NELL1: variants seen among roughly 807,000 people sequenced by gnomAD.
The protein encoded by NELL1 is protein kinase C-binding protein NELL1.
In NELL1, 76 loss-of-function variants were observed where a neutral mutation model predicts 107.4. That is an observed-to-expected ratio of 0.71 (90% CI 0.59 to 0.86). NELL1 has a LOEUF of 0.86. NELL1 is among the 40% of genes least tolerant of loss of function. The probability of loss-of-function intolerance (pLI) is 0.00; values close to 1 mark genes in which losing one functional copy is unlikely to be tolerated. For missense variants in NELL1, 1,024 were observed against 1,005.5 expected (o/e 1.02, Z -0.25); for synonymous variants, 353 against 341.2 (o/e 1.03, Z -0.38).
chr11:21,245,666 C>T (rs549007641), intron 14 of NELL1, among the ~76,000 whole-genome samples: 163 of 152,262 alleles, frequency 1.1e-3, no homozygotes, highest in Non-Finnish European at 2.1e-3. Context: ...GTATCCTTGT[C>T]ATCTTTGTGT....
chr11:20,704,552 G>A (rs1035813560), intron 2 of NELL1, among the ~76,000 whole-genome samples: 2 of 152,110 alleles, frequency 1.3e-5, no homozygotes, highest in Non-Finnish European at 2.9e-5. Flanking sequence ...TCATTATGAT[G>A]TTAGCTGGTT....
At chr11:20,722,786 A>T (rs1855422154) in intron 2 of NELL1, among the ~76,000 whole-genome samples, 1 of 152,182 alleles carries the variant, frequency 6.6e-6, no homozygotes, top group Non-Finnish European at 1.5e-5. Context: ...TGGCAAGTTG[A>T]TTACTCAGTC....
At chr11:21,435,967 C>T (rs547912693) in intron 15 of NELL1, among the ~76,000 whole-genome samples, 2 of 152,044 alleles carry the variant, frequency 1.3e-5, no homozygotes, top group South Asian at 4.2e-4. Context: ...GCAATCAGTG[C>T]CAGGCATTTC....
chr11:21,063,876 G>T (rs1347780977), intron 12 of NELL1, among the ~76,000 whole-genome samples: 1 of 152,200 alleles, frequency 6.6e-6, no homozygotes, highest in Admixed American at 6.5e-5. Flanking sequence ...TGAAGTTGGT[G>T]CTATGGGAGA....
chr11:21,317,482 T>A (rs1402105940), intron 14 of NELL1, among the ~76,000 whole-genome samples: 1 of 152,160 alleles, frequency 6.6e-6, no homozygotes, highest in African/African-American at 2.4e-5. Flanking sequence ...TGGTGAGAGT[T>A]TCTGCCTTAC....
chr11:21,325,080 T>C (rs1329493417), intron 14 of NELL1, among the ~76,000 whole-genome samples: 24 of 152,084 alleles, frequency 1.6e-4, no homozygotes, highest in Admixed American at 1.6e-3. Flanking sequence ...TTTCCTTTTC[T>C]TCTTGGAATA....
intron 2 of NELL1, among the ~76,000 whole-genome samples, chr11:20,704,255 G>A (rs991138058): frequency 4.6e-5 from 7 of 152,182 alleles, no homozygotes; most frequent in South Asian, 4.1e-4. Context: ...TTACCATTAT[G>A]TAATGGCCTT....
At chr11:21,504,833 C>T (rs977812387) in intron 15 of NELL1, among the ~76,000 whole-genome samples, 2 of 152,082 alleles carry the variant, frequency 1.3e-5, no homozygotes, top group Non-Finnish European at 2.9e-5. Flanking sequence ...TCCTTGCTGC[C>T]ACTCTAACCC....
At chr11:20,922,539 C>G (rs1009375739) in intron 7 of NELL1, among the ~76,000 whole-genome samples, 1 of 151,726 alleles carries the variant, frequency 6.6e-6, no homozygotes, top group Non-Finnish European at 1.5e-5. Context: ...TTCGCAGATG[C>G]AAAAAGAATT....
intron 3 of NELL1, among the ~76,000 whole-genome samples, chr11:20,809,503 G>T (rs928846462): frequency 7.3e-6 from 1 of 137,176 alleles, no homozygotes; most frequent in African/African-American, 2.7e-5. Flanking sequence ...TGTAAAAGTT[G>T]ACCAATCTCT....
At chr11:21,540,204 C>A (rs1043850817) in intron 16 of NELL1, among the ~76,000 whole-genome samples, 33 of 151,916 alleles carry the variant, frequency 2.2e-4, no homozygotes, top group African/African-American at 7.7e-4. Flanking sequence ...GTCCTGTTTT[C>A]CAGCTATTTT....
intron 12 of NELL1, among the ~76,000 whole-genome samples, chr11:21,104,267 C>T (rs903460911): frequency 6.6e-6 from 1 of 152,090 alleles, no homozygotes; most frequent in South Asian, 2.1e-4. Flanking sequence ...TGTTTCTTTC[C>T]GTGTGGACAT....
chr11:21,091,478 T>C (rs1315188366), intron 12 of NELL1, among the ~76,000 whole-genome samples: 1 of 152,220 alleles, frequency 6.6e-6, no homozygotes, highest in Non-Finnish European at 1.5e-5. Flanking sequence ...TATTTTTAAA[T>C]TTTTAATGCA....
intron 12 of NELL1, among the ~76,000 whole-genome samples, chr11:21,087,339 T>C (rs1279278256): frequency 6.6e-6 from 1 of 152,042 alleles, no homozygotes; most frequent in Non-Finnish European, 1.5e-5. Context: ...TTTGTTTGAG[T>C]CGCCTTAGGT....
chr11:20,922,375 A>G (rs532019379), intron 7 of NELL1, among the ~76,000 whole-genome samples: 11 of 151,628 alleles, frequency 7.3e-5, no homozygotes, highest in African/African-American at 1.7e-4. Context: ...TTTTATTTAT[A>G]TATTGAATAC....
At chr11:21,480,680 G>C (rs1411374191) in intron 15 of NELL1, among the ~76,000 whole-genome samples, 1 of 152,180 alleles carries the variant, frequency 6.6e-6, no homozygotes, top group Admixed American at 6.6e-5. Flanking sequence ...ATGGGAAAGC[G>C]ACTGCTCTTC....
intron 13 of NELL1, among the ~76,000 whole-genome samples, chr11:21,115,024 C>T (rs1162616724): frequency 6.6e-6 from 1 of 151,954 alleles, no homozygotes; most frequent in East Asian, 1.9e-4. Flanking sequence ...TAAAGCCCTG[C>T]TGTGTGGAAG....
chr11:21,187,075 G>A (rs975713335), intron 13 of NELL1, among the ~76,000 whole-genome samples: 1 of 151,804 alleles, frequency 6.6e-6, no homozygotes, highest in East Asian at 1.9e-4. Context: ...AGGCTTTGGC[G>A]GAATATTTAG....
rs1038441064 is a variant in NELL1, at chr11:21,182,042, A to C, written c.1427-47290A>C. Among the ~76,000 whole-genome samples the C allele has an allele frequency of 3.5e-4, 53 of 151,878 alleles. 1 individual carries two copies. Among genetic ancestry groups the C allele is most frequent in the African/African-American group, 1.2e-3 (50 of 41,140 alleles). ...TAGATAAGAATACAGAGACACAGAG[A>C]GGTGAGCTAACTTCCCTTTTAACTT... On this transcript the variant is annotated intron_variant, in intron 13 of 19. Coordinates refer to ENST00000357134, the MANE Select transcript of NELL1 (RefSeq NM_006157.5).
Sources: allele counts gnomAD v4.1 joint callset (sites outside exome capture counted in the v4.1 genomes callset), GRCh38; gene constraint gnomAD v4.1.1; transcripts MANE v1.5; gene names NCBI Gene and HGNC (gene_info 2026-07-23, HGNC 2026-07-21).